The following ULK4 variants were observed in gnomAD, a reference collection of about 807,000 sequenced individuals.
ULK4 encodes the protein unc-51 like kinase 4.
ULK4 carries 133 observed loss-of-function variants against 160.6 expected under a neutral mutation model. The observed-to-expected ratio is 0.83, with a 90% CI of 0.72 to 0.96. The LOEUF (loss-of-function observed/expected upper bound fraction) is 0.96. Ranked by LOEUF, ULK4 falls within the 40% of genes least tolerant of loss-of-function variation. The pLI, the probability that ULK4 is intolerant of heterozygous loss-of-function variation, is 0.00. For missense variants in ULK4, 1,580 were observed against 1,499.5 expected, an observed-to-expected ratio of 1.05 and a Z score of -0.89; for synonymous variants, 534 against 539.8, an observed-to-expected ratio of 0.99 and a Z score of 0.15.
chr3:41,350,856 G>T (rs1202957613), intron 35 of ULK4, among the ~76,000 whole-genome samples: 2 of 152,134 alleles, frequency 1.3e-5, no homozygotes, highest in Non-Finnish European at 2.9e-5. Flanking sequence ...CAACCTTCAG[G>T]TTCTCTTCTT....
At chr3:41,507,150 A>T (rs1427036246) in intron 32 of ULK4, among the ~76,000 whole-genome samples, 7 of 146,622 alleles carry the variant, frequency 4.8e-5, no homozygotes, top group African/African-American at 1.8e-4. Context: ...AAAAAAATAG[A>T]ATTATACATA....
At chr3:41,805,796 G>C (rs1378533790) in intron 19 of ULK4, among the ~76,000 whole-genome samples, 35 of 146,228 alleles carry the variant, frequency 2.4e-4, no homozygotes, top group South Asian at 6.7e-4. Flanking sequence ...TTATTGATTT[G>C]CGTATATTGA....
At chr3:41,706,365 AT>A (rs2036880373) in intron 25 of ULK4, among the ~76,000 whole-genome samples, 1 of 146,442 alleles carries the variant, frequency 6.8e-6, no homozygotes, top group African/African-American at 2.5e-5. Context: ...ATATATTTAT[AT>A]ATATATTTAA....
intron 31 of ULK4, among the ~76,000 whole-genome samples, chr3:41,610,746 G>A (rs1024748352): frequency 2.0e-5 from 3 of 152,132 alleles, no homozygotes; most frequent in African/African-American, 7.2e-5. Context: ...GTTAACATTT[G>A]CCACTGAAAT....
intron 17 of ULK4, among the ~76,000 whole-genome samples, chr3:41,858,429 G>A (rs2125681136): frequency 2.0e-5 from 3 of 151,752 alleles, no homozygotes; most frequent in East Asian, 3.9e-4. Context: ...TGGAATTACA[G>A]GCATGAGCCA....
At chr3:41,644,939 G>A (rs1426825867) in intron 30 of ULK4, among the ~76,000 whole-genome samples, 1 of 152,204 alleles carries the variant, frequency 6.6e-6, no homozygotes, top group East Asian at 1.9e-4. Flanking sequence ...TATGTGTCGA[G>A]GAATTTATCC....
At chr3:41,304,646 C>T (rs1189947128) in intron 35 of ULK4, among the ~76,000 whole-genome samples, 2 of 152,212 alleles carry the variant, frequency 1.3e-5, no homozygotes, top group South Asian at 2.1e-4. Flanking sequence ...AACCAATCAC[C>T]ACTACTGCTA....
chr3:41,838,387 G>A (rs1039988723), intron 17 of ULK4, among the ~76,000 whole-genome samples: 2 of 151,834 alleles, frequency 1.3e-5, no homozygotes, highest in Non-Finnish European at 2.9e-5. Context: ...TGAAAAGGAG[G>A]GTACATTTTC....
chr3:41,912,850 CAA>C lies in ULK4; in HGVS notation c.851_852del (p.Phe284CysfsTer37), dbSNP rs894129981. On this transcript the variant is annotated frameshift_variant, in exon 9 of 37. Transcript: ENST00000301831. LOFTEE classifies it high-confidence loss of function. ...ACGCTTGATTCCTGATCTGCTCCAG[CAA>C]AAGCTTTCTTCCAAAATGAATGCTG... ...LLQHSFWKKA[F>X]AGADQESSVE... The C allele has an allele frequency of 1.1e-5, 18 of 1,614,022 alleles. No homozygotes were observed. Among genetic ancestry groups the C allele is most frequent in the Non-Finnish European group, 1.5e-5 (18 of 1,180,014 alleles).
chr3:41,584,356 C>A (rs930024734), intron 31 of ULK4, among the ~76,000 whole-genome samples: 1 of 152,018 alleles, frequency 6.6e-6, no homozygotes, highest in East Asian at 1.9e-4. Context: ...CGGTGGTGTG[C>A]GCTCAGCTCT....
chr3:41,314,190 GGGTT>G (rs1482620005), intron 35 of ULK4, among the ~76,000 whole-genome samples: 5 of 152,096 alleles, frequency 3.3e-5, no homozygotes, highest in Non-Finnish European at 7.4e-5. Flanking sequence ...TTAGACCATT[GGGTT>G]GTTTTAAATA....
chr3:41,773,343 T>C (rs1382038025), intron 21 of ULK4, among the ~76,000 whole-genome samples: 1 of 152,168 alleles, frequency 6.6e-6, no homozygotes, highest in Non-Finnish European at 1.5e-5. Context: ...GCCCAAAATA[T>C]CCTTAAGCTG....
chr3:41,476,208 G>A (rs1005084649), intron 32 of ULK4, among the ~76,000 whole-genome samples: 30 of 152,092 alleles, frequency 2.0e-4, no homozygotes, highest in Admixed American at 8.5e-4. Context: ...CTTACCTAGT[G>A]GGAATTGAAA....
intron 31 of ULK4, among the ~76,000 whole-genome samples, chr3:41,597,506 G>A (rs1386282080): frequency 1.3e-5 from 2 of 152,190 alleles, no homozygotes; most frequent in African/African-American, 2.4e-5. Context: ...CTTTTAGGCA[G>A]ATAGTCCAGG....
chr3:41,731,404 C>T (rs1007746203), intron 22 of ULK4, among the ~76,000 whole-genome samples: 1 of 151,674 alleles, frequency 6.6e-6, no homozygotes, highest in Non-Finnish European at 1.5e-5. Context: ...AAAAAAAATT[C>T]TCTTAATATG....
rs200536097 is a variant in ULK4 at position 41,579,899 on chromosome 3, AT to A, written c.3121-13770del. ...GTTGCTGCCCTTGTGTTTTCCTGGC[AT>A]GCCATTACCCAAAGACAGGGAGCAG... On this transcript the variant is annotated intron_variant, in intron 31 of 36. Transcript: ENST00000301831. 9.1e-3 allele frequency among the ~76,000 whole-genome samples: 1,382 copies of A among 152,292 alleles called. 7 individuals are homozygous for A. Among genetic ancestry groups the A allele is most frequent in the Non-Finnish European group, 0.013 (854 of 68,028 alleles).
chr3:41,442,808 G>A (rs2083204796), intron 34 of ULK4, among the ~76,000 whole-genome samples: 1 of 152,088 alleles, frequency 6.6e-6, no homozygotes, highest in Non-Finnish European at 1.5e-5. Context: ...ATAAAAAACA[G>A]TAAATTTAAT....
chr3:41,319,618 G>A (rs2125728909), intron 35 of ULK4, among the ~76,000 whole-genome samples: 1 of 152,266 alleles, frequency 6.6e-6, no homozygotes, highest in Non-Finnish European at 1.5e-5. Flanking sequence ...CAAAGCAAAG[G>A]CTATCATATC....
chr3:41,906,924 C>CG (rs1320638556), intron 12 of ULK4, among the ~76,000 whole-genome samples: 1 of 151,826 alleles, frequency 6.6e-6, no homozygotes, highest in Non-Finnish European at 1.5e-5. Context: ...ATCCGGTAGG[C>CG]GGAGGTTACA....
Sources: allele counts gnomAD v4.1 joint callset (sites outside exome capture counted in the v4.1 genomes callset), GRCh38; gene constraint gnomAD v4.1.1; transcripts MANE v1.5; gene names NCBI Gene and HGNC (gene_info 2026-07-23, HGNC 2026-07-21).